SCIN: variants seen among roughly 807,000 people sequenced by gnomAD.
SCIN encodes scinderin.
In SCIN, 91 loss-of-function variants were observed where a neutral mutation model predicts 91.8. That is an observed-to-expected ratio of 0.99 (90% CI 0.84 to 1.18). The LOEUF (loss-of-function observed/expected upper bound fraction) is 1.18, where lower values mean the gene tolerates loss of function less well. Ranked by LOEUF, SCIN falls within the 50% of genes most tolerant of loss-of-function variation. The pLI is 0.00. For synonymous variants in SCIN, 367 were observed against 312.6 expected (o/e 1.17, Z -1.84); for missense variants, 1,087 against 863.9 (o/e 1.26, Z -3.24).
At chr7:12,598,929 G>GA (rs993855749) in intron 3 of SCIN, among the ~76,000 whole-genome samples, 15 of 149,112 alleles carry the variant, frequency 1.0e-4, no homozygotes, top group South Asian at 2.1e-4. Context: ...GAGAGAGAAA[G>GA]AAAAAAAAAC....
At chr7:12,628,224 C>A (rs1783570834) in intron 8 of SCIN, among the ~76,000 whole-genome samples, 1 of 152,154 alleles carries the variant, frequency 6.6e-6, no homozygotes, top group Non-Finnish European at 1.5e-5. Flanking sequence ...TTTCTCCCAG[C>A]ATCACATTTC....
At chr7:12,628,658 A>G (rs1007737756) in intron 8 of SCIN, among the ~76,000 whole-genome samples, 1 of 152,206 alleles carries the variant, frequency 6.6e-6, no homozygotes, top group Non-Finnish European at 1.5e-5. Flanking sequence ...ATTTGGTCAC[A>G]GTCTATCAAG....
At chr7:12,623,044 G>T (rs1411874786) in intron 5 of SCIN, among the ~76,000 whole-genome samples, 151 bp downstream of exon 5, 1 of 151,514 alleles carries the variant, frequency 6.6e-6, no homozygotes, top group African/African-American at 2.4e-5. Context: ...CTTTGCTCTT[G>T]TATGTTTTTT....
intron 3 of SCIN, among the ~76,000 whole-genome samples, chr7:12,584,575 T>C (rs1782550719): frequency 6.6e-6 from 1 of 152,204 alleles, no homozygotes; most frequent in Non-Finnish European, 1.5e-5. Flanking sequence ...ATTATCAGTT[T>C]AGCCAGTTTG....
At chr7:12,594,043 G>A (rs903833097) in intron 3 of SCIN, among the ~76,000 whole-genome samples, 1 of 152,194 alleles carries the variant, frequency 6.6e-6, no homozygotes, top group Non-Finnish European at 1.5e-5. Flanking sequence ...AGAAAGGGAC[G>A]TGGACATGGA....
In SCIN at chr7:12,629,253, C is replaced by T. The variant is rs766867699; in HGVS notation, c.1319+31C>T. 8.9e-6 allele frequency: 14 copies of T among 1,577,544 alleles called. No individual in the cohort carries two copies. In the South Asian group the frequency reaches 1.5e-4, roughly 17 times the overall value. ...TTTATACGGGTAAAGATCTCGAGTT[C>T]CACAGGAGCCAGATTTTGCTCCAAA... On this transcript the variant is annotated intron_variant, in intron 9 of 15. Transcript: ENST00000297029.
intron 9 of SCIN, among the ~76,000 whole-genome samples, chr7:12,633,431 A>G (rs1783684974): frequency 6.6e-6 from 1 of 152,200 alleles, no homozygotes; most frequent in African/African-American, 2.4e-5. Flanking sequence ...AATTAGAAAC[A>G]AAGAGTGACT....
rs572741830 is a variant in SCIN, at chr7:12,654,712, T to C, written c.*1997T>C. On this transcript the variant is annotated 3_prime_UTR_variant, in exon 16 of 16. Transcript: ENST00000297029. ...CTAGTTTAGCCAGTGGTTTTTCTCATCTCCAATTTATAGCACAGGCCGAGG... is the reference window on the plus strand; with the variant it reads ...CTAGTTTAGCCAGTGGTTTTTCTCACCTCCAATTTATAGCACAGGCCGAGG... 6 of 152,098 alleles carry C rather than the reference T, an allele frequency of 3.9e-5. No individual in the cohort carries two copies. The highest frequency in any genetic ancestry group is 8.8e-5 in the Non-Finnish European group (6 of 67,994). The allele number at this position is 152,098 out of a possible 1,614,324, so 9.4% of individuals were successfully genotyped here.
chr7:12,594,307 G>A (rs1438776921), intron 3 of SCIN, among the ~76,000 whole-genome samples: 2 of 152,072 alleles, frequency 1.3e-5, no homozygotes, highest in Non-Finnish European at 1.5e-5. Context: ...AGGAGTCATC[G>A]GCTGGGTCTG....
chr7:12,604,676 CTGT>C lies in SCIN; in HGVS notation c.666+18_666+20del. 1.3e-6 allele frequency: 2 copies of C among 1,550,122 alleles called. No individual in the cohort carries two copies. The highest frequency in any genetic ancestry group is 1.7e-6 in the Non-Finnish European group (2 of 1,146,148). On this transcript the variant is annotated intron_variant, in intron 4 of 15. Transcript: ENST00000297029. ...AGAACTTATAAAGGTATTGTGACTC[CTGT>C]TGTTTGTTAAAGGGTTACCACTCCA...
chr7:12,571,034 G>C (rs920673681), intron 1 of SCIN, 49 bp downstream of exon 1: 1 of 1,515,470 alleles, frequency 6.6e-7, no homozygotes, highest in Admixed American at 2.0e-5. Context: ...GCCGGCGAGG[G>C]GAGGGCGTAG....
At chr7:12,642,859 C>T (rs948730710) in intron 11 of SCIN, among the ~76,000 whole-genome samples, 7 of 152,002 alleles carry the variant, frequency 4.6e-5, no homozygotes, top group African/African-American at 1.5e-4. Flanking sequence ...AGTTCTTGAG[C>T]GCTCCAAGTC....
intron 1 of SCIN, chr7:12,577,840 A>C: frequency 2.1e-6 from 1 of 480,900 alleles, no homozygotes; most frequent in Non-Finnish European, 3.7e-6. Flanking sequence ...TTAGCAACAG[A>C]GCAACACCCT....
chr7:12,626,501 T>C, intron 7 of SCIN, 83 bp from the exon 8 acceptor site: 2 of 1,087,010 alleles, frequency 1.8e-6, no homozygotes, highest in Non-Finnish European at 2.6e-6. Flanking sequence ...TCCATTTCCT[T>C]ACTTTTGTCT....
intron 8 of SCIN, among the ~76,000 whole-genome samples, chr7:12,627,111 C>CAT (rs1783542932): frequency 6.6e-6 from 1 of 151,802 alleles, no homozygotes; most frequent in Admixed American, 6.6e-5. Context: ...CACACACACA[C>CAT]ACATAAATGT....
chr7:12,604,693 GT>G, intron 4 of SCIN, 30 bp downstream of exon 4: 1 of 1,539,290 alleles, frequency 6.5e-7, no homozygotes, highest in Non-Finnish European at 8.8e-7. Flanking sequence ...TTGTTAAAGG[GT>G]TACCACTCCA....
chr7:12,604,966 G>A (rs1209416806), intron 4 of SCIN, among the ~76,000 whole-genome samples: 5 of 152,112 alleles, frequency 3.3e-5, no homozygotes, highest in African/African-American at 7.2e-5. Context: ...GAAATTGACC[G>A]TAAGAATGTA....
intron 4 of SCIN, among the ~76,000 whole-genome samples, chr7:12,608,763 C>T (rs1249380640): frequency 6.6e-6 from 1 of 152,148 alleles, no homozygotes; most frequent in Admixed American, 6.5e-5. Flanking sequence ...AGATGTGAGC[C>T]TACGCACCCG....
Position 12,651,550 on chromosome 7 carries a change from T to G in SCIN, c.1960-291T>G, listed in dbSNP as rs566059239. Among the ~76,000 whole-genome samples the G allele has an allele frequency of 1.5e-4, 16 of 104,298 alleles. No individual in the cohort carries two copies. The highest frequency in any genetic ancestry group is 2.4e-4 in the Admixed American group (2 of 8,396). 68.4% of individuals were successfully genotyped at this position (104,298 alleles called of 152,430 possible). A position where few individuals can be genotyped will look rare whatever the true frequency, so the allele number is the denominator to read the frequency against. On this transcript the variant is annotated intron_variant, in intron 14 of 15. Transcript: ENST00000297029. The surrounding 1 kb of genome is among the most constrained non-coding windows in gnomAD (Gnocchi z 5.9). ...AAAAAAAGTCCACCCAGACAATCTG[T>G]TTTTTTTTGTGAAAGATCACTTTAC...
Sources: allele counts gnomAD v4.1 joint callset (sites outside exome capture counted in the v4.1 genomes callset), GRCh38; gene constraint gnomAD v4.1.1; non-coding constraint Gnocchi (gnomAD v3.1); transcripts MANE v1.5; gene names NCBI Gene and HGNC (gene_info 2026-07-23, HGNC 2026-07-21).